TMEM132D: variants seen among roughly 807,000 people sequenced by gnomAD.
TMEM132D encodes transmembrane protein 132D.
In TMEM132D, 21 loss-of-function variants were observed where a neutral mutation model predicts 62.3. The ratio of observed to expected loss-of-function variants is 0.34; its 90% confidence interval spans 0.24 to 0.49. TMEM132D has a LOEUF of 0.49. Ranked by LOEUF, TMEM132D falls within the 20% of genes least tolerant of loss-of-function variation. The pLI is 0.99. For synonymous variants in TMEM132D, 621 were observed against 575.6 expected (o/e 1.08, Z -1.13); for missense variants, 1,346 against 1,402.8 (o/e 0.96, Z 0.65).
intron 2 of TMEM132D, among the ~76,000 whole-genome samples, chr12:129,695,986 C>A (rs1018221452): frequency 1.3e-5 from 2 of 152,068 alleles, no homozygotes; most frequent in African/African-American, 4.8e-5. Flanking sequence ...ACTGGATACA[C>A]CAGGGCACAT....
At chr12:129,283,503 A>G (rs115235097) in intron 4 of TMEM132D, among the ~76,000 whole-genome samples, 2,165 of 152,278 alleles carry the variant, frequency 0.014, 50 homozygotes, top group African/African-American at 0.049. Flanking sequence ...TATATTAGCT[A>G]TTTTTAAACT....
At chr12:129,596,988 G>T (rs1403506357) in intron 2 of TMEM132D, among the ~76,000 whole-genome samples, 1 of 152,138 alleles carries the variant, frequency 6.6e-6, no homozygotes. Context: ...CGTTCTAAAT[G>T]CTATGTTATG....
intron 3 of TMEM132D, among the ~76,000 whole-genome samples, chr12:129,406,318 A>G (rs1296368904): frequency 6.6e-6 from 1 of 152,198 alleles, no homozygotes; most frequent in Non-Finnish European, 1.5e-5. Flanking sequence ...TGTATATGCA[A>G]TGTAGATAGG....
intron 5 of TMEM132D, chr12:129,208,581 C>T (rs993522288): frequency 1.3e-5 from 2 of 152,214 alleles, no homozygotes; most frequent in Non-Finnish European, 2.9e-5. Context: ...AGGTTTGCTT[C>T]AGAGCAGAGT....
chr12:129,877,655 C>CGT (rs1195642305), intron 1 of TMEM132D, among the ~76,000 whole-genome samples: 2 of 148,036 alleles, frequency 1.4e-5, no homozygotes, highest in East Asian at 2.0e-4. Context: ...AGAGAGAGAG[C>CGT]GCTATAAGCT....
chr12:129,325,843 T>A (rs1280406746), intron 4 of TMEM132D, among the ~76,000 whole-genome samples: 3 of 152,160 alleles, frequency 2.0e-5, no homozygotes, highest in Non-Finnish European at 4.4e-5. Flanking sequence ...TTATATGAGT[T>A]TAATTCAAAG....
At position 129,074,062 on chromosome 12, in the gene TMEM132D, G is replaced by A. The variant is rs2135601689; in HGVS notation, c.3113C>T (p.Pro1038Leu). 6.2e-7 allele frequency: 1 copy of A among 1,613,960 alleles called. No individual in the cohort carries two copies. Reference sequence around the variant, plus strand: ...TTTTACCCTTTTCCTTTTTGAGGTAGGGGATGTTGGGGGCTCACTTTTCTG... The same window carrying A: ...TTTTACCCTTTTCCTTTTTGAGGTAAGGGATGTTGGGGGCTCACTTTTCTG... ...KDQKSEPPTS[P>L]TSKRKRVKFT... The change falls in exon 9 of 9, where the codon CCT becomes CTT. Residue 1038 changes from proline (P) to leucine (L), a missense_variant. Transcript: ENST00000422113.
At chr12:129,631,895 C>T (rs1373569913) in intron 2 of TMEM132D, among the ~76,000 whole-genome samples, 1 of 152,168 alleles carries the variant, frequency 6.6e-6, no homozygotes, top group Non-Finnish European at 1.5e-5. Context: ...CCTTGAAAAA[C>T]TCAACAGATC....
intron 1 of TMEM132D, among the ~76,000 whole-genome samples, chr12:129,894,412 G>T (rs931154129): frequency 6.6e-6 from 1 of 152,150 alleles, no homozygotes; most frequent in Admixed American, 6.5e-5. Context: ...GGATATCAAG[G>T]CCTATCCACC....
At position 129,867,484 on chromosome 12, in the gene TMEM132D, CCTT is replaced by C. The variant is rs1874096512; in HGVS notation, c.79+35774_79+35776del. On this transcript the variant is annotated intron_variant, in intron 1 of 8. Transcript: ENST00000422113. This position sits in a 1 kb window ranked among gnomAD's most constrained non-coding sequence, Gnocchi z 4.5. ...GGAGATGCTGATGAAAAAGGGAAAA[CCTT>C]CTATTATGCCAGATGAGCAAGTTCT... Among the ~76,000 whole-genome samples, 1 of 152,174 alleles carries C rather than the reference CCTT, an allele frequency of 6.6e-6. No homozygotes were observed. Among genetic ancestry groups the C allele is most frequent in the African/African-American group, 2.4e-5 (1 of 41,440 alleles).
At chr12:129,082,173 C>T in intron 6 of TMEM132D, 141 bp from the exon 7 acceptor site, 2 of 1,024,370 alleles carry the variant, frequency 2.0e-6, no homozygotes, top group Non-Finnish European at 2.8e-6. Context: ...CAGAGGTGAA[C>T]TTCAGATACT....
chr12:129,673,926 C>T (rs986656315), intron 2 of TMEM132D, among the ~76,000 whole-genome samples: 2 of 151,984 alleles, frequency 1.3e-5, no homozygotes, highest in African/African-American at 4.8e-5. Context: ...TCCAAGGTGA[C>T]ACGGGTAGGA....
At chr12:129,457,881 G>T (rs559886652) in intron 3 of TMEM132D, among the ~76,000 whole-genome samples, 1 of 152,274 alleles carries the variant, frequency 6.6e-6, no homozygotes, top group East Asian at 1.9e-4. Flanking sequence ...CAACACTGGG[G>T]ATTACAATTT....
chr12:129,859,293 A>T (rs1360599238), intron 1 of TMEM132D, among the ~76,000 whole-genome samples: 3 of 152,198 alleles, frequency 2.0e-5, no homozygotes, highest in African/African-American at 7.2e-5. Flanking sequence ...ATGGAATTTT[A>T]TTAGGTTGGT....
intron 5 of TMEM132D, among the ~76,000 whole-genome samples, chr12:129,114,816 G>A (rs1427945669): frequency 6.6e-6 from 1 of 152,208 alleles, no homozygotes; most frequent in Non-Finnish European, 1.5e-5. Context: ...TTAATGGAAT[G>A]TTTGTGAGAT....
chr12:129,678,670 A>G (rs911651523), intron 2 of TMEM132D, among the ~76,000 whole-genome samples: 5 of 152,080 alleles, frequency 3.3e-5, no homozygotes, highest in Admixed American at 2.0e-4. Flanking sequence ...TTCAGTGCTC[A>G]GTGTTTTGGT....
intron 4 of TMEM132D, among the ~76,000 whole-genome samples, chr12:129,315,714 G>C (rs1017485751): frequency 4.6e-5 from 7 of 152,140 alleles, no homozygotes; most frequent in Admixed American, 3.9e-4. Flanking sequence ...GGATCAAAAG[G>C]ATTGCTACCA....
intron 2 of TMEM132D, among the ~76,000 whole-genome samples, chr12:129,579,947 C>T (rs1877795849): frequency 6.6e-6 from 1 of 152,162 alleles, no homozygotes; most frequent in Non-Finnish European, 1.5e-5. Context: ...GAAATGTGAT[C>T]TCAGGGTGCA....
At position 129,764,594 on chromosome 12, in the gene TMEM132D, A is replaced by ATG. The variant is rs10542789; in HGVS notation, c.80-63898_80-63897dup. The stretch of plus-strand genomic sequence containing the variant: ...CATGTGTATTTGTATGTGTGTTTGT[A>ATG]TGTGTGTGTGTGTGTGTTTATGTGA... On this transcript the variant is annotated intron_variant, in intron 1 of 8. Coordinates refer to ENST00000422113, the MANE Select transcript of TMEM132D (RefSeq NM_133448.3). Among the ~76,000 whole-genome samples the ATG allele has an allele frequency of 5.3e-5, 8 of 151,696 alleles. No individual in the cohort carries two copies. The South Asian group carries it at 8.3e-4, about 16-fold the overall frequency.
Sources: allele counts gnomAD v4.1 joint callset (sites outside exome capture counted in the v4.1 genomes callset), GRCh38; gene constraint gnomAD v4.1.1; non-coding constraint Gnocchi (gnomAD v3.1); transcripts MANE v1.5; gene names NCBI Gene and HGNC (gene_info 2026-07-23, HGNC 2026-07-21).